The following OTUD3 variants were observed in gnomAD, a reference collection of about 807,000 sequenced individuals.
OTUD3 encodes OTU deubiquitinase 3.
In OTUD3, 24 loss-of-function variants were observed where a neutral mutation model predicts 46.2. The ratio of observed to expected loss-of-function variants is 0.52; its 90% CI spans 0.38 to 0.73. The LOEUF (loss-of-function observed/expected upper bound fraction) is 0.73, where lower values mean the gene tolerates loss of function less well. Among genes scored for constraint, OTUD3 ranks in the 30% least tolerant of loss-of-function variants. The probability of loss-of-function intolerance (pLI) is 0.00; values close to 1 mark genes in which losing one functional copy is unlikely to be tolerated. For synonymous variants in OTUD3, 189 were observed against 195.4 expected (o/e 0.97, Z 0.27); for missense variants, 455 against 523.3 (o/e 0.87, Z 1.27).
chr1:19,907,360 A>C (rs2045673905), intron 7 of OTUD3, among the ~76,000 whole-genome samples: 1 of 152,228 alleles, frequency 6.6e-6, no homozygotes, highest in Non-Finnish European at 1.5e-5. Flanking sequence ...GAAGAATGGA[A>C]TTGATTTTGT....
At chr1:19,905,314 A>C (rs925138088) in intron 6 of OTUD3, among the ~76,000 whole-genome samples, 1 of 152,218 alleles carries the variant, frequency 6.6e-6, no homozygotes, top group Non-Finnish European at 1.5e-5. Flanking sequence ...GACCAAAATG[A>C]TAACCAAAAT....
In OTUD3 at chr1:19,908,694, C is replaced by A. The variant is rs575791907; in HGVS notation, c.*948C>A. On this transcript the variant is annotated 3_prime_UTR_variant, in exon 8 of 8. Transcript: ENST00000375120. The stretch of plus-strand genomic sequence containing the variant: ...TGTTCGCATTTTAAATAACGATTTT[C>A]TTCCCTTCTGTTGTAGACTTAGATG... 6.6e-6 allele frequency: 1 copy of A among 152,506 alleles called. No homozygotes were observed. Among genetic ancestry groups the A allele is most frequent in the South Asian group, 2.1e-4 (1 of 4,832 alleles). The allele number at this position is 152,506 out of a possible 1,614,324, so 9.4% of individuals were successfully genotyped here.
rs2045535654 is a variant in OTUD3, at chr1:19,897,672, G to T, written c.606+10G>T. ...ACATCTCCAGACGGATGTGAGTGAG[G>T]CCTCGGATTTCTCCCGTATTCCCCG... On this transcript the variant is annotated intron_variant, in intron 4 of 7. Coordinates refer to ENST00000375120, the MANE Select transcript of OTUD3 (RefSeq NM_015207.2). 4 of 1,610,546 alleles carry T rather than the reference G, an allele frequency of 2.5e-6. 1 individual carries two copies. In the South Asian group the frequency reaches 4.4e-5, roughly 18 times the overall value.
At chr1:19,895,080 A>G (rs1169812633) in intron 3 of OTUD3, among the ~76,000 whole-genome samples, 1 of 152,216 alleles carries the variant, frequency 6.6e-6, no homozygotes, top group Admixed American at 6.5e-5. Flanking sequence ...AAAAACATTG[A>G]TACATAACTG....
chr1:19,894,957 A>C (rs1420849292), intron 3 of OTUD3, among the ~76,000 whole-genome samples: 1 of 152,224 alleles, frequency 6.6e-6, no homozygotes. Flanking sequence ...GCTCGTAAAG[A>C]GAAAAAAATT....
chr1:19,894,536 G>T (rs186432684), intron 3 of OTUD3, 56 bp downstream of exon 3: 14 of 1,073,960 alleles, frequency 1.3e-5, no homozygotes, highest in Non-Finnish European at 2.0e-5. Context: ...TCAGCTTTGG[G>T]AATATCCGAA....
chr1:19,902,546 G>A (rs1349754839), intron 4 of OTUD3, among the ~76,000 whole-genome samples: 1 of 152,156 alleles, frequency 6.6e-6, no homozygotes, highest in Admixed American at 6.6e-5. Context: ...AATAGCTAAT[G>A]ACATTGAACA....
In OTUD3 at chr1:19,897,713, A is replaced by T. The variant is rs188878366; in HGVS notation, c.606+51A>T. On this transcript the variant is annotated intron_variant, in intron 4 of 7. Transcript: ENST00000375120. ...GTATTCCCCGCCCTACAGGAAACAGATTGAGAGCTGTATATCTGGCGCTAA... is the reference window on the plus strand; with the variant it reads ...GTATTCCCCGCCCTACAGGAAACAGTTTGAGAGCTGTATATCTGGCGCTAA... 9.4e-5 allele frequency: 149 copies of T among 1,579,660 alleles called. No individual in the cohort carries two copies. The East Asian group carries it at 2.9e-3, about 31-fold the overall frequency.
At chr1:19,894,512 C>A (rs1214666678) in intron 3 of OTUD3, 32 bp downstream of exon 3, 2 of 1,267,220 alleles carry the variant, frequency 1.6e-6, no homozygotes, top group African/African-American at 3.0e-5. Context: ...TTATCTTAAG[C>A]TCTTATTTCT....
intron 2 of OTUD3, among the ~76,000 whole-genome samples, chr1:19,893,899 CCT>C (rs1265465322): frequency 6.6e-6 from 1 of 152,228 alleles, no homozygotes; most frequent in East Asian, 1.9e-4. Context: ...GTAGGTGAAA[CCT>C]CAGCTCCACT....
intron 4 of OTUD3, among the ~76,000 whole-genome samples, chr1:19,899,714 A>C (rs1457909938): frequency 6.6e-6 from 1 of 152,222 alleles, no homozygotes; most frequent in Non-Finnish European, 1.5e-5. Flanking sequence ...TCCCACCTGC[A>C]ATATGTGGCT....
intron 1 of OTUD3, among the ~76,000 whole-genome samples, chr1:19,887,578 A>C (rs187588285): frequency 6.6e-6 from 1 of 152,214 alleles, no homozygotes; most frequent in Non-Finnish European, 1.5e-5. Flanking sequence ...GAGTCTATAT[A>C]GTCTACCTCC....
At chr1:19,907,391 T>C (rs1378856552) in intron 7 of OTUD3, among the ~76,000 whole-genome samples, 179 bp from the exon 8 acceptor site, 1 of 152,226 alleles carries the variant, frequency 6.6e-6, no homozygotes, top group Non-Finnish European at 1.5e-5. Context: ...AGCAAGGAAA[T>C]ATAAATTTAA....
intron 1 of OTUD3, among the ~76,000 whole-genome samples, chr1:19,884,231 T>C (rs1366866149): frequency 6.6e-6 from 1 of 152,198 alleles, no homozygotes; most frequent in East Asian, 1.9e-4. Flanking sequence ...ATACTGGGTA[T>C]GGTATTCTCA....
chr1:19,895,335 A>T (rs1019674213), intron 3 of OTUD3, among the ~76,000 whole-genome samples: 1 of 152,202 alleles, frequency 6.6e-6, no homozygotes, highest in African/African-American at 2.4e-5. Flanking sequence ...ATACAGTTCT[A>T]TGTGTTTTGA....
chr1:19,909,989 A>G lies in OTUD3; in HGVS notation c.*2243A>G, dbSNP rs1365381129. 2 of 152,374 alleles carry G rather than the reference A, an allele frequency of 1.3e-5. No homozygotes were observed. Among genetic ancestry groups the G allele is most frequent in the Non-Finnish European group, 2.9e-5 (2 of 68,040 alleles). The allele number at this position is 152,374 out of a possible 1,614,324, so 9.4% of individuals were successfully genotyped here. ...GTGTTAATTATTAGGAATCGGGTAC[A>G]TGCATCCAACTTCAGTGATACCTTC... On this transcript the variant is annotated 3_prime_UTR_variant, in exon 8 of 8. Transcript: ENST00000375120.
intron 2 of OTUD3, 149 bp downstream of exon 2, chr1:19,890,682 A>G: frequency 2.7e-6 from 2 of 746,428 alleles, no homozygotes; most frequent in Non-Finnish European, 4.6e-6. Flanking sequence ...CTACTTGGTT[A>G]TCGGCAGTAT....
rs1214826186 is a variant in OTUD3 at position 19,907,648 on chromosome 1, C to G, written c.1099C>G (p.Leu367Val). The change falls in exon 8 of 8, where the codon CTG (leucine) becomes GTG (valine). Residue 367 changes from leucine (L) to valine (V), a missense_variant. By Grantham distance (32) the Leu-to-Val change is conservative. Transcript: ENST00000375120. ...RQEERHRHKA[L>V]ESRGSHRDNN... ...GGAGGAGAGGCACCGCCACAAAGCC[C>G]TGGAGAGCAGAGGTAGCCACAGGGA... 11 of 1,614,062 alleles carry G rather than the reference C, an allele frequency of 6.8e-6. No individual in the cohort carries two copies. The highest frequency in any genetic ancestry group is 3.3e-5 in the Admixed American group (2 of 60,002).
At chr1:19,903,221 T>C (rs1014024312) in intron 4 of OTUD3, among the ~76,000 whole-genome samples, 2 of 152,040 alleles carry the variant, frequency 1.3e-5, no homozygotes, top group South Asian at 4.2e-4. Flanking sequence ...ATAATTCTTT[T>C]GTATTTTTTT....
Sources: allele counts gnomAD v4.1 joint callset (sites outside exome capture counted in the v4.1 genomes callset), GRCh38; gene constraint gnomAD v4.1.1; transcripts MANE v1.5; gene names NCBI Gene and HGNC (gene_info 2026-07-23, HGNC 2026-07-21).